Variants in CTTNBP2 observed in about 807,000 individuals in gnomAD.
CTTNBP2 encodes the protein cortactin-binding protein 2.
A neutral mutation model predicts 156.9 loss-of-function variants in CTTNBP2; 108 were observed. The observed-to-expected ratio is 0.69, with a 90% CI of 0.59 to 0.81. The LOEUF (loss-of-function observed/expected upper bound fraction) is 0.81. CTTNBP2 is among the 30% of genes least tolerant of loss of function. The pLI is 0.00. For missense variants in CTTNBP2, 1,924 were observed against 2,035.4 expected, an observed-to-expected ratio of 0.95 and a Z score of 1.05; for synonymous variants, 767 against 751.8, an observed-to-expected ratio of 1.02 and a Z score of -0.33.
Position 117,788,185 on chromosome 7 carries a change from G to A in CTTNBP2, c.2068+2943C>T, listed in dbSNP as rs186942080. On this transcript the variant is annotated intron_variant, in intron 4 of 22. Transcript: ENST00000160373. ...AGATGGGATTTTGCCATTTTGCCCC[G>A]GCTGGTCTTGAACGCCTGGGCACAA... Among the ~76,000 whole-genome samples, 9 of 152,164 alleles carry A rather than the reference G, an allele frequency of 5.9e-5. No individual in the cohort carries two copies. The East Asian group carries it at 9.7e-4, about 16-fold the overall frequency.
rs143307641 is a variant in CTTNBP2, at chr7:117,746,522, G to A, written c.3349-423C>T. Among the ~76,000 whole-genome samples the A allele has an allele frequency of 5.8e-3, 890 of 152,142 alleles. 18 individuals are homozygous for A. The highest frequency in any genetic ancestry group is 0.015 in the Admixed American group (229 of 15,294). Reference sequence around the variant, plus strand: ...AATGCATTTCATTATGGAAATTTTGGTATATATAAAGAAGAATAAAAAATT... The same window carrying A: ...AATGCATTTCATTATGGAAATTTTGATATATATAAAGAAGAATAAAAAATT... On this transcript the variant is annotated intron_variant, in intron 12 of 22. Transcript: ENST00000160373.
rs1474618291 is a variant in CTTNBP2 at position 117,791,203 on chromosome 7, AAAAGGCAATGGT to A, written c.1981_1992del (p.Thr661_Phe664del). On this transcript the variant is annotated inframe_deletion, in exon 4 of 23. Transcript: ENST00000160373. ...GCACTAACGGGGTTTATGGAAGAGCAAAAGGCAATGGTGGTAGGAATGACAAGGGAACTGTCT... is the reference window on the plus strand; with the variant it reads ...GCACTAACGGGGTTTATGGAAGAGCAGGTAGGAATGACAAGGGAACTGTCT... The A allele has an allele frequency of 6.2e-7, 1 of 1,614,078 alleles. No homozygotes were observed. Among genetic ancestry groups the A allele is most frequent in the Non-Finnish European group, 8.5e-7 (1 of 1,180,034 alleles).
intron 2 of CTTNBP2, among the ~76,000 whole-genome samples, chr7:117,826,107 C>CCG (rs1042229874): frequency 2.0e-4 from 30 of 152,262 alleles, no homozygotes; most frequent in African/African-American, 7.0e-4. Flanking sequence ...CACTCCCAAC[C>CCG]ACCCATTATT....
At chr7:117,734,102 G>A (rs1795551186) in intron 16 of CTTNBP2, among the ~76,000 whole-genome samples, 1 of 152,106 alleles carries the variant, frequency 6.6e-6, no homozygotes, top group Admixed American at 6.6e-5. Flanking sequence ...TTGACGGGAG[G>A]GTCAACAGAC....
chr7:117,834,741 A>G (rs1801825100), intron 2 of CTTNBP2, among the ~76,000 whole-genome samples: 1 of 152,264 alleles, frequency 6.6e-6, no homozygotes, highest in Non-Finnish European at 1.5e-5. Flanking sequence ...TCCATTTTAC[A>G]TTAAGAGAAA....
chr7:117,836,546 G>C (rs568457671), intron 2 of CTTNBP2, among the ~76,000 whole-genome samples: 6 of 152,322 alleles, frequency 3.9e-5, no homozygotes, highest in South Asian at 4.1e-4. Flanking sequence ...CTGGGCGACA[G>C]AGCGAGACTC....
chr7:117,732,362 G>A (rs1227612703), intron 16 of CTTNBP2, among the ~76,000 whole-genome samples: 4 of 151,962 alleles, frequency 2.6e-5, no homozygotes, highest in Non-Finnish European at 4.4e-5. Flanking sequence ...TTAGAAGTCA[G>A]GCACAGGGCT....
chr7:117,719,676 C>T, intron 20 of CTTNBP2, 40 bp from the exon 21 acceptor site: 1 of 1,569,462 alleles, frequency 6.4e-7, no homozygotes, highest in Non-Finnish European at 8.7e-7. Flanking sequence ...AAAGTGAGAA[C>T]AATTCCCAAT....
At chr7:117,795,224 G>A (rs573071110) in intron 3 of CTTNBP2, among the ~76,000 whole-genome samples, 24 of 152,090 alleles carry the variant, frequency 1.6e-4, no homozygotes, top group Middle Eastern at 3.2e-3. Context: ...TCTTATTCAC[G>A]TGGGAGCCTT....
chr7:117,741,909 C>G (rs1386377106), intron 14 of CTTNBP2, among the ~76,000 whole-genome samples: 1 of 152,028 alleles, frequency 6.6e-6, no homozygotes, highest in East Asian at 1.9e-4. Flanking sequence ...CCAATTTATT[C>G]AAAAAATAAT....
At chr7:117,864,819 A>T (rs13310629) in intron 1 of CTTNBP2, among the ~76,000 whole-genome samples, 2 of 137,434 alleles carry the variant, frequency 1.5e-5, no homozygotes, top group African/African-American at 5.7e-5. Flanking sequence ...ATATTCATTC[A>T]ATATATATTC....
chr7:117,847,849 T>C (rs1802692821), intron 2 of CTTNBP2, among the ~76,000 whole-genome samples: 1 of 122,334 alleles, frequency 8.2e-6, no homozygotes, highest in African/African-American at 3.1e-5. Context: ...TTTTTTTTTT[T>C]TGAGACAGAG....
chr7:117,740,663 G>A (rs1465998215), intron 14 of CTTNBP2, among the ~76,000 whole-genome samples: 19 of 152,168 alleles, frequency 1.2e-4, no homozygotes, highest in Admixed American at 1.2e-3. Context: ...GAATAGCCTA[G>A]AAAACCCCTT....
chr7:117,854,760 A>C (rs1803162294), intron 2 of CTTNBP2, among the ~76,000 whole-genome samples: 1 of 152,060 alleles, frequency 6.6e-6, no homozygotes, highest in Non-Finnish European at 1.5e-5. Context: ...TTTAGCAAAA[A>C]TAGATGATTT....
chr7:117,717,136 G>T (rs1477195552), intron 22 of CTTNBP2, among the ~76,000 whole-genome samples: 4 of 152,174 alleles, frequency 2.6e-5, no homozygotes, highest in African/African-American at 9.7e-5. Flanking sequence ...ATACCATGCT[G>T]TGCCAGCTCT....
At chr7:117,824,461 CTTAAGT>C (rs1198250836) in intron 2 of CTTNBP2, among the ~76,000 whole-genome samples, 1 of 152,118 alleles carries the variant, frequency 6.6e-6, no homozygotes, top group African/African-American at 2.4e-5. Context: ...GGGAGATCTT[CTTAAGT>C]TTGTTACTGA....
intron 2 of CTTNBP2, among the ~76,000 whole-genome samples, chr7:117,814,244 A>G (rs1348459838): frequency 7.3e-5 from 1 of 13,788 alleles, no homozygotes; most frequent in Non-Finnish European, 1.3e-4. Context: ...AAAGCATTTA[A>G]TTCTTTTTTT....
At chr7:117,784,577 T>C (rs986776629) in intron 4 of CTTNBP2, 123 bp from the exon 5 acceptor site, 1 of 602,200 alleles carries the variant, frequency 1.7e-6, no homozygotes, top group Non-Finnish European at 2.7e-6. Flanking sequence ...GATTATGTGG[T>C]TTCTAACATT....
intron 2 of CTTNBP2, among the ~76,000 whole-genome samples, chr7:117,823,819 T>A (rs867095570): frequency 1.2e-4 from 18 of 152,120 alleles, no homozygotes; most frequent in African/African-American, 3.6e-4. Context: ...GTCTCCAGAG[T>A]AGCTGGGACC....
Sources: allele counts gnomAD v4.1 joint callset (sites outside exome capture counted in the v4.1 genomes callset), GRCh38; gene constraint gnomAD v4.1.1; transcripts MANE v1.5; gene names NCBI Gene and HGNC (gene_info 2026-07-23, HGNC 2026-07-21).